The following ARHGEF10 variants were observed in gnomAD, a reference collection of about 807,000 sequenced individuals.
ARHGEF10 encodes Rho guanine nucleotide exchange factor (GEF) 10.
In ARHGEF10, 140 loss-of-function variants were observed where a neutral mutation model predicts 147.4. That is an observed-to-expected ratio of 0.95 (90% confidence interval 0.83 to 1.09). The LOEUF (loss-of-function observed/expected upper bound fraction) is 1.09, where lower values mean the gene tolerates loss of function less well. Ranked by LOEUF, ARHGEF10 falls within the 50% of genes least tolerant of loss-of-function variation. The probability of loss-of-function intolerance (pLI) is 0.00; values close to 1 mark genes in which losing one functional copy is unlikely to be tolerated. For missense variants in ARHGEF10, 2,222 were observed against 1,752.7 expected, an observed-to-expected ratio of 1.27 and a Z score of -4.78; for synonymous variants, 902 against 695.8, an observed-to-expected ratio of 1.30 and a Z score of -4.67.
At chr8:1,855,690 A>G (rs1403542317) in intron 2 of ARHGEF10, among the ~76,000 whole-genome samples, 1 of 152,062 alleles carries the variant, frequency 6.6e-6, no homozygotes, top group African/African-American at 2.4e-5. Context: ...GCGCCCAGCA[A>G]TACATAAACA....
intron 27 of ARHGEF10, among the ~76,000 whole-genome samples, chr8:1,946,365 C>T (rs531733694): frequency 2.0e-5 from 3 of 152,320 alleles, no homozygotes; most frequent in South Asian, 2.1e-4. Context: ...CTGTGACACA[C>T]GCCACAGACG....
At chr8:1,899,840 G>C (rs1810311383) in intron 15 of ARHGEF10, among the ~76,000 whole-genome samples, 1 of 152,234 alleles carries the variant, frequency 6.6e-6, no homozygotes. Flanking sequence ...CCTCGTGTGA[G>C]GGAGTCTGGC....
intron 26 of ARHGEF10, among the ~76,000 whole-genome samples, chr8:1,940,730 C>G (rs2129260104): frequency 6.6e-6 from 1 of 152,294 alleles, no homozygotes; most frequent in Non-Finnish European, 1.5e-5. Context: ...CAACGGAAGA[C>G]TTGCAAATTG....
chr8:1,896,507 CA>C, intron 14 of ARHGEF10, 58 bp downstream of exon 14: 1 of 1,173,296 alleles, frequency 8.5e-7, no homozygotes, highest in East Asian at 2.3e-5. Flanking sequence ...AGTTACATGT[CA>C]AAGCTTGACT....
chr8:1,896,883 A>C (rs912674633), intron 14 of ARHGEF10, among the ~76,000 whole-genome samples: 1 of 152,220 alleles, frequency 6.6e-6, no homozygotes, highest in African/African-American at 2.4e-5. Flanking sequence ...TGTTCCTCCC[A>C]ATGCTGAGGA....
intron 25 of ARHGEF10, among the ~76,000 whole-genome samples, chr8:1,931,611 G>A (rs1813155251): frequency 6.6e-6 from 1 of 152,248 alleles, no homozygotes; most frequent in South Asian, 2.1e-4. Flanking sequence ...CGTTCTTGGT[G>A]GTGAGGGACG....
intron 18 of ARHGEF10, among the ~76,000 whole-genome samples, chr8:1,918,391 T>C (rs1811918352): frequency 6.6e-6 from 1 of 151,978 alleles, no homozygotes; most frequent in East Asian, 1.9e-4. Context: ...CTCATCTCAG[T>C]TCAGAAGGTT....
At chr8:1,850,430 A>G (rs1214633459) in intron 2 of ARHGEF10, among the ~76,000 whole-genome samples, 1 of 150,238 alleles carries the variant, frequency 6.7e-6, no homozygotes, top group African/African-American at 2.5e-5. Flanking sequence ...GTGGACACAG[A>G]CGGCAAATGC....
chr8:1,943,876 A>G (rs1197285290), intron 26 of ARHGEF10: 1 of 132,406 alleles, frequency 7.6e-6, no homozygotes, highest in African/African-American at 2.9e-5. Flanking sequence ...GAGAGGTATT[A>G]CACGGCTGAC....
intron 18 of ARHGEF10, among the ~76,000 whole-genome samples, chr8:1,916,062 C>G (rs1394818955): frequency 6.6e-6 from 1 of 152,242 alleles, no homozygotes; most frequent in Non-Finnish European, 1.5e-5. Flanking sequence ...CTGTGTGTCA[C>G]ATGCCAGTCA....
rs115712554 is a variant in ARHGEF10, at chr8:1,944,098, A to G, written c.3223-1383A>G. Among the ~76,000 whole-genome samples the G allele has an allele frequency of 9.7e-3, 1,462 of 151,334 alleles. 31 individuals are homozygous for G. Among genetic ancestry groups the G allele is most frequent in the African/African-American group, 0.033 (1,368 of 41,294 alleles). Reference sequence around the variant, plus strand: ...ACCGTGTCACCTCCCTCGGGACCCCAGCCTCCCGCACTGTGTCGCCTCCCC... The same window carrying G: ...ACCGTGTCACCTCCCTCGGGACCCCGGCCTCCCGCACTGTGTCGCCTCCCC... On this transcript the variant is annotated intron_variant, in intron 26 of 28. Transcript: ENST00000349830.
In ARHGEF10 at chr8:1,907,873, G is replaced by A. The variant is rs1811026729; in HGVS notation, c.1968-1422G>A. Among the ~76,000 whole-genome samples, 3 of 152,158 alleles carry A rather than the reference G, an allele frequency of 2.0e-5. No homozygotes were observed. The South Asian group carries it at 6.2e-4, about 32-fold the overall frequency. On this transcript the variant is annotated intron_variant, in intron 17 of 28. Coordinates refer to ENST00000349830, the MANE Select transcript of ARHGEF10 (RefSeq NM_014629.4). ...CATTTTGTTTCAAATAGCTCCCAAG[G>A]ACCCTTTGGTCGGCCCTGTGAACAT...
intron 12 of ARHGEF10, among the ~76,000 whole-genome samples, chr8:1,894,177 A>G (rs1809777042): frequency 6.6e-6 from 1 of 151,348 alleles, no homozygotes; most frequent in Non-Finnish European, 1.5e-5. Flanking sequence ...GTCTCAAAAA[A>G]AAAAAAAAGA....
upstream of ARHGEF10, among the ~76,000 whole-genome samples, chr8:1,823,708 G>A (rs904510872): frequency 6.6e-6 from 1 of 151,864 alleles, no homozygotes; most frequent in African/African-American, 2.4e-5. Flanking sequence ...TCCGGGGGCG[G>A]GAGCCTCTGC....
intron 1 of ARHGEF10, among the ~76,000 whole-genome samples, chr8:1,841,245 A>G (rs1804008633): frequency 8.5e-6 from 1 of 117,182 alleles, no homozygotes; most frequent in African/African-American, 3.1e-5. Context: ...AGGTGGACCT[A>G]AAAGGAAAAA....
chr8:1,829,370 A>G (rs1037385964), intron 1 of ARHGEF10, among the ~76,000 whole-genome samples: 1 of 152,268 alleles, frequency 6.6e-6, no homozygotes, highest in African/African-American at 2.4e-5. Context: ...TGGTAAGGCC[A>G]GGCCTGTGGG....
rs118048417 is a variant in ARHGEF10, at chr8:1,898,465, G to A, written c.1590G>A (p.Thr530=). 16 of 1,614,014 alleles carry A rather than the reference G, an allele frequency of 9.9e-6. No homozygotes were observed. The highest frequency in any genetic ancestry group is 1.4e-5 in the Non-Finnish European group (16 of 1,180,028). The change falls in exon 15 of 29, where the codon ACG becomes ACA. Residue 530 remains threonine (T), a synonymous_variant. Coordinates refer to ENST00000349830, the MANE Select transcript of ARHGEF10 (RefSeq NM_014629.4). ...QEQEASPDRT[T]LYSLMMKPIQ... is the part of the protein sequence containing the mutation. ...AGGAGGCCAGCCCCGATCGAACCAC[G>A]CTCTACAGCCTGATGATGAAGCCCA...
intron 2 of ARHGEF10, among the ~76,000 whole-genome samples, chr8:1,854,329 G>A (rs911400343): frequency 1.3e-5 from 2 of 152,190 alleles, no homozygotes; most frequent in African/African-American, 4.8e-5. Context: ...TGTCCTGGGC[G>A]CCCGCCGTGG....
intron 13 of ARHGEF10, among the ~76,000 whole-genome samples, chr8:1,895,420 T>G (rs1563249543): frequency 6.6e-6 from 1 of 152,256 alleles, no homozygotes; most frequent in Non-Finnish European, 1.5e-5. Context: ...TGAAATGTTT[T>G]CCTATATAGT....
Sources: allele counts gnomAD v4.1 joint callset (sites outside exome capture counted in the v4.1 genomes callset), GRCh38; gene constraint gnomAD v4.1.1; transcripts MANE v1.5; gene names NCBI Gene and HGNC (gene_info 2026-07-23, HGNC 2026-07-21).